CBFA2T3: variants seen among roughly 807,000 people sequenced by gnomAD.
CBFA2T3 encodes the protein CBFA2/RUNX1 partner transcriptional co-repressor 3.
A neutral mutation model predicts 58.6 loss-of-function variants in CBFA2T3; 31 were observed. The observed-to-expected ratio is 0.53, with a 90% CI of 0.40 to 0.71. The LOEUF is 0.71. Among genes scored for constraint, CBFA2T3 ranks in the 30% least tolerant of loss-of-function variants. CBFA2T3 has a pLI of 0.00. For synonymous variants in CBFA2T3, 531 were observed against 421.9 expected, an observed-to-expected ratio of 1.26 and a Z score of -3.17; for missense variants, 1,076 against 963.1, an observed-to-expected ratio of 1.12 and a Z score of -1.55.
chr16:88,961,859 T>C (rs1055232433), intron 1 of CBFA2T3, among the ~76,000 whole-genome samples: 21 of 144,450 alleles, frequency 1.5e-4, no homozygotes, highest in African/African-American at 5.5e-4. Flanking sequence ...TCCCACTGCA[T>C]AGTAACCGAC....
chr16:88,926,554 G>A (rs759569136), intron 1 of CBFA2T3, among the ~76,000 whole-genome samples: 49 of 152,194 alleles, frequency 3.2e-4, no homozygotes, highest in Admixed American at 9.8e-4. Context: ...TTTGTCATGC[G>A]TCACACCAGG....
chr16:88,921,458 A>C (rs1488243873), intron 1 of CBFA2T3, among the ~76,000 whole-genome samples: 1 of 152,180 alleles, frequency 6.6e-6, no homozygotes, highest in East Asian at 1.9e-4. Context: ...GCACGTGGCC[A>C]GCCGGGATTT....
In CBFA2T3 at chr16:88,928,209, G is replaced by T. The variant is rs887757581; in HGVS notation, c.152-26553C>A. 1.4e-3 allele frequency among the ~76,000 whole-genome samples: 209 copies of T among 152,362 alleles called. 3 individuals carry two copies. The highest frequency in any genetic ancestry group is 1.6e-4 in the Non-Finnish European group (11 of 68,028). ...CACGCCTCTGAGTTTGGGGTGGTTT[G>T]TTCGGCAGCACTGGGGCCCGGGGCA... On this transcript the variant is annotated intron_variant, in intron 1 of 11. Coordinates refer to ENST00000268679, the MANE Select transcript of CBFA2T3 (RefSeq NM_005187.6).
chr16:88,941,034 G>A, intron 1 of CBFA2T3: 1 of 985,356 alleles, frequency 1.0e-6, no homozygotes, highest in Non-Finnish European at 1.2e-6. Flanking sequence ...GGGGGGTCCG[G>A]GGGATCCGGC....
chr16:88,924,191 G>A (rs1287357893), intron 1 of CBFA2T3, among the ~76,000 whole-genome samples: 1 of 152,204 alleles, frequency 6.6e-6, no homozygotes, highest in East Asian at 1.9e-4. Flanking sequence ...GGCTACACCT[G>A]CTGGGCTGAG....
chr16:88,924,300 G>A (rs559201297), intron 1 of CBFA2T3, among the ~76,000 whole-genome samples: 5 of 152,336 alleles, frequency 3.3e-5, no homozygotes, highest in East Asian at 3.9e-4. Context: ...GGCACACTGC[G>A]TGCCTTCAGG....
At chr16:88,904,995 T>C (rs6500509) in intron 1 of CBFA2T3, among the ~76,000 whole-genome samples, 7,819 of 152,116 alleles carry the variant, frequency 0.051, 317 homozygotes, top group African/African-American at 0.11. Context: ...GCACAGACTC[T>C]ACCCGAGAAA....
chr16:88,882,556 GTGTGTGGGCATGGCTGTGGGCGTGGC>G lies in CBFA2T3; in HGVS notation c.1203+94_1203+119del, dbSNP rs1242718889. On this transcript the variant is annotated intron_variant, in intron 8 of 11. Transcript: ENST00000268679. ...CATGGCTGTGTGCATGGGTGTGGCT[GTGTGTGGGCATGGCTGTGGGCGTGGC>G]TGTGTGTGCATGGCTGTGTGTGCGT... The G allele has an allele frequency of 1.3e-5, 9 of 675,238 alleles. No homozygotes were observed. In the East Asian group the frequency reaches 2.2e-4, roughly 17 times the overall value. 41.8% of individuals were successfully genotyped at this position (675,238 alleles called of 1,614,324 possible). A position where few individuals can be genotyped will look rare whatever the true frequency, so the allele number is the denominator to read the frequency against.
At chr16:88,967,476 G>GC (rs1972544221) in intron 1 of CBFA2T3, among the ~76,000 whole-genome samples, 1 of 152,022 alleles carries the variant, frequency 6.6e-6, no homozygotes, top group Admixed American at 6.5e-5. Context: ...GACTGCTATT[G>GC]CCCCATTTAC....
intron 10 of CBFA2T3, 100 bp from the exon 11 acceptor site, chr16:88,879,560 G>T: frequency 3.8e-6 from 4 of 1,063,846 alleles, no homozygotes; most frequent in Non-Finnish European, 5.6e-6. Flanking sequence ...GGGGCTGTGT[G>T]CAGCTGAACA....
intron 1 of CBFA2T3, among the ~76,000 whole-genome samples, chr16:88,910,142 C>T (rs1240597606): frequency 6.6e-6 from 1 of 152,270 alleles, no homozygotes; most frequent in African/African-American, 2.4e-5. Context: ...GCCTCGGTCA[C>T]TCGCCGCACT....
chr16:88,951,387 C>T (rs1166543516), intron 1 of CBFA2T3: 2 of 453,858 alleles, frequency 4.4e-6, no homozygotes, highest in Admixed American at 2.4e-5. Context: ...CCTTATCATA[C>T]AATTCTTTGA....
rs1332165754 is a variant in CBFA2T3, at chr16:88,875,584, G to C, written c.*1392C>G. 1 of 233,642 alleles carries C rather than the reference G, an allele frequency of 4.3e-6. No homozygotes were observed. The highest frequency in any genetic ancestry group is 8.5e-6 in the Non-Finnish European group (1 of 118,274). 14.5% of individuals were successfully genotyped at this position (233,642 alleles called of 1,614,324 possible). A position where few individuals can be genotyped will look rare whatever the true frequency, so the allele number is the denominator to read the frequency against. On this transcript the variant is annotated 3_prime_UTR_variant, in exon 12 of 12. Transcript: ENST00000268679. Reference sequence around the variant, plus strand: ...GTGGGGCGATGGGGCCGAGAGGTTGGAGTTGGGGCGATGGGGCTGAGAGAG... The same window carrying C: ...GTGGGGCGATGGGGCCGAGAGGTTGCAGTTGGGGCGATGGGGCTGAGAGAG...
intron 10 of CBFA2T3, 133 bp downstream of exon 10, chr16:88,880,587 G>A (rs902109391): frequency 2.0e-5 from 15 of 734,778 alleles, no homozygotes; most frequent in South Asian, 6.8e-5. Flanking sequence ...GCCACACAGC[G>A]GAATGCAGAA....
chr16:88,968,861 G>C (rs1364860839), intron 1 of CBFA2T3, among the ~76,000 whole-genome samples: 1 of 152,186 alleles, frequency 6.6e-6, no homozygotes, highest in African/African-American at 2.4e-5. Flanking sequence ...TGCAGTGACA[G>C]GGTGGCGAGG....
At position 88,892,288 on chromosome 16, in the gene CBFA2T3, G is replaced by C. The variant is rs377114220; in HGVS notation, c.577C>G (p.Pro193Ala). Residue 193 changes from proline to alanine, a missense_variant, in exon 4 of 12, where the codon CCA becomes GCA. Coordinates refer to ENST00000268679, the MANE Select transcript of CBFA2T3 (RefSeq NM_005187.6). Reference sequence around the variant, plus strand: ...GTGCGCACGCGCTCCCCAATCTCTGGGGAGATGTCGCTGCCAAACTGCTGC... The same window carrying C: ...GTGCGCACGCGCTCCCCAATCTCTGCGGAGATGTCGCTGCCAAACTGCTGC... ...TLQQFGSDIS[P>A]EIGERVRTLV... is the part of the protein sequence containing the mutation. The C allele has an allele frequency of 6.2e-7, 1 of 1,612,534 alleles. No individual in the cohort carries two copies. The highest frequency in any genetic ancestry group is 1.3e-5 in the African/African-American group (1 of 75,032).
At chr16:88,925,508 G>A (rs563827639) in intron 1 of CBFA2T3, among the ~76,000 whole-genome samples, 17 of 152,284 alleles carry the variant, frequency 1.1e-4, no homozygotes, top group African/African-American at 3.6e-4. Context: ...CGAGTGCCCT[G>A]CGCTGCTCTC....
At chr16:88,889,695 C>T (rs1226703978) in intron 5 of CBFA2T3, among the ~76,000 whole-genome samples, 2 of 151,970 alleles carry the variant, frequency 1.3e-5, no homozygotes, top group African/African-American at 4.8e-5. Context: ...CCTCCTCCTC[C>T]AGGGACGACA....
chr16:88,933,083 C>T (rs1597749149), intron 1 of CBFA2T3, among the ~76,000 whole-genome samples: 1 of 152,344 alleles, frequency 6.6e-6, no homozygotes, highest in African/African-American at 2.4e-5. Flanking sequence ...GATGGAAGTC[C>T]GCACGCCCAG....
Sources: gnomAD v4.1 joint callset for allele counts (sites outside exome capture counted in the v4.1 genomes callset) on GRCh38, gnomAD v4.1.1 for gene constraint, MANE v1.5 for transcripts, NCBI Gene and HGNC (gene_info 2026-07-23, HGNC 2026-07-21) for gene names.